The following ANO3 variants were observed in gnomAD, a reference collection of about 807,000 sequenced individuals.
The protein encoded by ANO3 is anoctamin 3.
In ANO3, 99 loss-of-function variants were observed where a neutral mutation model predicts 144.8. The ratio of observed to expected loss-of-function variants is 0.68; its 90% confidence interval spans 0.58 to 0.81. The LOEUF is 0.81. ANO3 is among the 30% of genes least tolerant of loss of function. ANO3 has a pLI of 0.00. For missense variants in ANO3, 905 were observed against 1,202.2 expected (o/e 0.75, Z 3.66); for synonymous variants, 414 against 392.6 (o/e 1.05, Z -0.64).
At chr11:26,560,868 A>C in intron 14 of ANO3, 6 of 490,400 alleles carry the variant, frequency 1.2e-5, no homozygotes, top group Non-Finnish European at 1.1e-5. Context: ...ATGCCTCAGG[A>C]TGGCCAAAAA....
chr11:26,572,299 A>G, intron 14 of ANO3: 8 of 931,664 alleles, frequency 8.6e-6, no homozygotes, highest in Non-Finnish European at 1.0e-5. Context: ...AACAACAACA[A>G]CAAAAGCCCA....
chr11:26,547,855 G>A lies in ANO3; in HGVS notation c.1289+305G>A, dbSNP rs2663169. Among the ~76,000 whole-genome samples the A allele has an allele frequency of 0.018, 2,794 of 151,850 alleles. 82 individuals are homozygous for A. The highest frequency in any genetic ancestry group is 0.063 in the African/African-American group (2,622 of 41,432). On this transcript the variant is annotated intron_variant, in intron 12 of 26. Transcript: ENST00000256737. ...GCTTTGTGTGATTTACATTTGCATA[G>A]CATTTGTTAGTCTAGAATGCCCTCT... is the stretch of plus-strand genomic sequence containing the variant.
rs143991973 is a variant in ANO3 at position 26,525,941 on chromosome 11, CAT to C, written c.737+263_737+264del. 0.14 allele frequency among the ~76,000 whole-genome samples: 21,810 copies of C among 151,824 alleles called. 1,700 individuals carry two copies. Among genetic ancestry groups the C allele is most frequent in the South Asian group, 0.27 (1,281 of 4,816 alleles). On this transcript the variant is annotated intron_variant, in intron 7 of 26. Transcript: ENST00000256737. ...AAGGAGGACTTTAATCGCAAGTTCA[CAT>C]GTTATGATATTTTAATTTTAAAAAT...
At chr11:26,368,075 A>T (rs528734367) in intron 1 of ANO3, among the ~76,000 whole-genome samples, 1 of 152,230 alleles carries the variant, frequency 6.6e-6, no homozygotes, top group Non-Finnish European at 1.5e-5. Flanking sequence ...TCACTCCCCT[A>T]TGCATACCTG....
At chr11:26,553,698 C>T (rs763899993) in intron 13 of ANO3, among the ~76,000 whole-genome samples, 5 of 152,044 alleles carry the variant, frequency 3.3e-5, no homozygotes, top group African/African-American at 4.8e-5. Context: ...ATACTTCTAT[C>T]GGTACGGAGA....
At chr11:26,418,520 T>G (rs1258544980) in intron 1 of ANO3, among the ~76,000 whole-genome samples, 2 of 152,204 alleles carry the variant, frequency 1.3e-5, no homozygotes, top group East Asian at 3.9e-4. Context: ...GCAGGCTATA[T>G]GGCTCTTCCC....
intron 1 of ANO3, among the ~76,000 whole-genome samples, chr11:26,379,304 A>G (rs1856515062): frequency 6.6e-6 from 1 of 152,188 alleles, no homozygotes; most frequent in African/African-American, 2.4e-5. Context: ...TCTGAGTTTG[A>G]TACAAGTCAT....
intron 1 of ANO3, among the ~76,000 whole-genome samples, chr11:26,193,330 C>G (rs1181289095): frequency 3.3e-5 from 5 of 151,874 alleles, no homozygotes; most frequent in African/African-American, 1.2e-4. Flanking sequence ...TTACTAGAGA[C>G]TGGGTTTCTC....
chr11:26,330,443 C>A (rs1855008295), upstream of ANO3, among the ~76,000 whole-genome samples: 2 of 152,118 alleles, frequency 1.3e-5, no homozygotes, highest in Admixed American at 1.3e-4. Context: ...CCAAGTATTT[C>A]TTCAATGCCT....
chr11:26,515,447 T>G (rs886533140), intron 5 of ANO3, among the ~76,000 whole-genome samples: 3 of 151,908 alleles, frequency 2.0e-5, no homozygotes, highest in Non-Finnish European at 4.4e-5. Context: ...CTTCTAATAC[T>G]CTATGGAAAG....
intron 20 of ANO3, among the ~76,000 whole-genome samples, chr11:26,637,449 G>T (rs1290119386): frequency 6.6e-6 from 1 of 152,178 alleles, no homozygotes; most frequent in Non-Finnish European, 1.5e-5. Context: ...CATTTCCACA[G>T]CACCAGTCAA....
At chr11:26,373,431 C>T (rs61877725) in intron 1 of ANO3, among the ~76,000 whole-genome samples, 40,646 of 152,044 alleles carry the variant, frequency 0.27, 6,110 homozygotes, top group African/African-American at 0.41. Context: ...TCTGTTTTGC[C>T]TTCCGCCATG....
intron 3 of ANO3, among the ~76,000 whole-genome samples, chr11:26,453,713 C>T (rs1006094755): frequency 6.6e-6 from 1 of 152,092 alleles, no homozygotes; most frequent in African/African-American, 2.4e-5. Flanking sequence ...TTGAACTCAC[C>T]TCTGCACCAA....
At chr11:26,605,500 G>A (rs1851909878) in intron 17 of ANO3, among the ~76,000 whole-genome samples, 1 of 152,150 alleles carries the variant, frequency 6.6e-6, no homozygotes, top group Non-Finnish European at 1.5e-5. Context: ...CAGAAGGAAT[G>A]GTACCAGCTC....
At chr11:26,553,113 C>T (rs377213694) in intron 12 of ANO3, 136 bp from the exon 13 acceptor site, 6 of 638,372 alleles carry the variant, frequency 9.4e-6, no homozygotes, top group East Asian at 2.6e-5. Flanking sequence ...CCCACCACTC[C>T]CCACTATTCC....
intron 14 of ANO3, among the ~76,000 whole-genome samples, chr11:26,584,392 C>A (rs1423204230): frequency 6.6e-6 from 1 of 152,134 alleles, no homozygotes; most frequent in East Asian, 1.9e-4. Flanking sequence ...CTCTTGACCT[C>A]TGGTGATCCG....
rs926148023 is a variant in ANO3, at chr11:26,217,039, C to T, written c.154+27709C>T. Among the ~76,000 whole-genome samples, 12 of 152,054 alleles carry T rather than the reference C, an allele frequency of 7.9e-5. No individual in the cohort carries two copies. In the East Asian group the frequency reaches 1.9e-3, roughly 24 times the overall value. On this transcript the variant is annotated intron_variant, in intron 1 of 27. Coordinates refer to the ANO3 transcript ENST00000672621. ...TTATGCTTTCATTCTCTTAACAGTGCTTTTTCAACAAAGAATTTTTAATTT... is the reference window on the plus strand; with the variant it reads ...TTATGCTTTCATTCTCTTAACAGTGTTTTTTCAACAAAGAATTTTTAATTT...
At chr11:26,262,857 T>A (rs1342305563) in intron 1 of ANO3, among the ~76,000 whole-genome samples, 2 of 152,088 alleles carry the variant, frequency 1.3e-5, no homozygotes, top group African/African-American at 4.8e-5. Context: ...TGCACATTGA[T>A]CTTGGGCTTC....
chr11:26,539,370 C>A (rs1386104793), intron 10 of ANO3, among the ~76,000 whole-genome samples: 2 of 151,948 alleles, frequency 1.3e-5, no homozygotes, highest in Non-Finnish European at 2.9e-5. Flanking sequence ...CTCTTGCAGC[C>A]CATTGCATGT....
Sources: gnomAD v4.1 joint callset for allele counts (sites outside exome capture counted in the v4.1 genomes callset) on GRCh38, gnomAD v4.1.1 for gene constraint, MANE v1.5 for transcripts, NCBI Gene and HGNC (gene_info 2026-07-23, HGNC 2026-07-21) for gene names.